Variants in RIMBP2 observed in about 807,000 individuals in gnomAD.
RIMBP2 encodes the protein RIMS binding protein 2.
In RIMBP2, 48 loss-of-function variants were observed where a neutral mutation model predicts 118.6. The observed-to-expected ratio is 0.40, with a 90% CI of 0.32 to 0.51. RIMBP2 has a LOEUF of 0.51. Among genes scored for constraint, RIMBP2 ranks in the 20% least tolerant of loss-of-function variants. The pLI is 0.41. For synonymous variants in RIMBP2, 762 were observed against 742.9 expected (o/e 1.03, Z -0.42); for missense variants, 1,551 against 1,768.3 (o/e 0.88, Z 2.20).
chr12:130,598,542 C>T (rs1014972586), intron 2 of RIMBP2, among the ~76,000 whole-genome samples: 10 of 152,112 alleles, frequency 6.6e-5, no homozygotes, highest in Admixed American at 1.3e-4. Context: ...TCCTGGCTAA[C>T]ACGGTGAAAC....
At position 130,452,937 on chromosome 12, in the gene RIMBP2, G is replaced by A. The variant is rs574140624; in HGVS notation, c.359-1597C>T. Among the ~76,000 whole-genome samples, 16 of 152,350 alleles carry A rather than the reference G, an allele frequency of 1.1e-4. No individual in the cohort carries two copies. The East Asian group carries it at 3.1e-3, about 29-fold the overall frequency. On this transcript the variant is annotated intron_variant, in intron 7 of 22. Coordinates refer to ENST00000690449, the MANE Select transcript of RIMBP2 (RefSeq NM_001393629.1). ...CCCGTGGCAGCTTTTACCTGCCATT[G>A]TGCCTGAGAAGACAAGGTGAGATTA...
intron 2 of RIMBP2, among the ~76,000 whole-genome samples, chr12:130,615,371 C>CATGATCT (rs2140703500): frequency 6.6e-6 from 1 of 150,418 alleles, no homozygotes; most frequent in South Asian, 2.1e-4. Context: ...AATGCAGTGG[C>CATGATCT]ATGATCTCGG....
intron 1 of RIMBP2, among the ~76,000 whole-genome samples, chr12:130,662,119 G>A (rs1168411144): frequency 6.6e-6 from 1 of 151,760 alleles, no homozygotes; most frequent in Non-Finnish European, 1.5e-5. Flanking sequence ...CCTCCCAGGT[G>A]CATTCATTCC....
chr12:130,444,101 T>C (rs2078339940), intron 10 of RIMBP2, among the ~76,000 whole-genome samples: 1 of 152,210 alleles, frequency 6.6e-6, no homozygotes, highest in Admixed American at 6.5e-5. Flanking sequence ...TTCCAGAGAT[T>C]TCAACACAGG....
intron 1 of RIMBP2, among the ~76,000 whole-genome samples, chr12:130,697,444 G>A (rs1305776577): frequency 1.3e-5 from 2 of 152,170 alleles, no homozygotes; most frequent in South Asian, 2.1e-4. Context: ...GATTGCTTGA[G>A]CCCAGGAGTT....
In RIMBP2 at chr12:130,570,016, C is replaced by T. The variant is rs142820456; in HGVS notation, c.-216-52099G>A. On this transcript the variant is annotated intron_variant, in intron 2 of 22. Coordinates refer to ENST00000690449, the MANE Select transcript of RIMBP2 (RefSeq NM_001393629.1). Reference sequence around the variant, plus strand: ...CACCTTTATGAGGAAGGAATGCCATCATGTTTGTATGAAAATCACACACCT... The same window carrying T: ...CACCTTTATGAGGAAGGAATGCCATTATGTTTGTATGAAAATCACACACCT... Among the ~76,000 whole-genome samples the T allele has an allele frequency of 1.1e-3, 168 of 152,314 alleles. 1 individual carries two copies. The highest frequency in any genetic ancestry group is 1.9e-3 in the Non-Finnish European group (127 of 68,042).
chr12:130,494,908 G>T (rs988955045), intron 4 of RIMBP2, among the ~76,000 whole-genome samples: 1 of 152,188 alleles, frequency 6.6e-6, no homozygotes, highest in Non-Finnish European at 1.5e-5. Context: ...TCCAGGTGTC[G>T]GCAGGGCCGG....
chr12:130,714,217 C>A (rs1227438263), intron 1 of RIMBP2, among the ~76,000 whole-genome samples: 1 of 152,234 alleles, frequency 6.6e-6, no homozygotes, highest in African/African-American at 2.4e-5. Context: ...TGAGCACATG[C>A]TGGTCTCTTC....
intron 1 of RIMBP2, among the ~76,000 whole-genome samples, chr12:130,653,645 G>A (rs913584575): frequency 3.3e-5 from 5 of 152,222 alleles, no homozygotes; most frequent in Admixed American, 6.5e-5. Context: ...CTGTCCTAGC[G>A]GAGCTTTTCT....
chr12:130,442,740 C>G lies in RIMBP2; in HGVS notation c.692-80G>C, dbSNP rs2078232724. On this transcript the variant is annotated intron_variant, in intron 10 of 22. Transcript: ENST00000690449. This position sits in a 1 kb window ranked among gnomAD's most constrained non-coding sequence, Gnocchi z 6.9. Reference sequence around the variant, plus strand: ...GCCCCCAGTGTACTCCCACCTCCCCCACCAGGACCATAAGGCAGAGCAACA... The same window carrying G: ...GCCCCCAGTGTACTCCCACCTCCCCGACCAGGACCATAAGGCAGAGCAACA... The G allele has an allele frequency of 4.1e-6, 5 of 1,214,540 alleles. No individual in the cohort carries two copies. The highest frequency in any genetic ancestry group is 2.5e-5 in the East Asian group (1 of 40,318). 75.2% of individuals were successfully genotyped at this position (1,214,540 alleles called of 1,614,324 possible).
At chr12:130,573,237 T>C (rs531212367) in intron 2 of RIMBP2, among the ~76,000 whole-genome samples, 6 of 151,788 alleles carry the variant, frequency 4.0e-5, no homozygotes, top group African/African-American at 1.4e-4. Flanking sequence ...ATTATATTTT[T>C]ATATTTATAT....
chr12:130,479,608 G>A (rs992892364), intron 4 of RIMBP2, among the ~76,000 whole-genome samples: 6 of 127,098 alleles, frequency 4.7e-5, no homozygotes, highest in African/African-American at 1.8e-4. Flanking sequence ...GGAGCTTCCC[G>A]GCCTCGGGCC....
In RIMBP2 at chr12:130,450,069, C is replaced by T; in HGVS notation, c.581+131G>A. 1.6e-6 allele frequency: 1 copy of T among 644,934 alleles called. No homozygotes were observed. The highest frequency in any genetic ancestry group is 1.7e-5 in the South Asian group (1 of 58,388). The allele number at this position is 644,934 out of a possible 1,614,324, so 40.0% of individuals were successfully genotyped here. The stretch of plus-strand genomic sequence containing the variant: ...ACCGAACCCTGCTCAGCCTCCAGGC[C>T]AGGCTGAAATCCCACCTTCTCCTCG... On this transcript the variant is annotated intron_variant, in intron 9 of 22. Transcript: ENST00000690449. The surrounding 1 kb of genome is among the most constrained non-coding windows in gnomAD (Gnocchi z 4.8).
intron 17 of RIMBP2, among the ~76,000 whole-genome samples, chr12:130,421,691 A>ATGTGTGTGTGTGTGTGTGTGTGTG (rs35161782): frequency 4.2e-4 from 62 of 147,292 alleles, no homozygotes; most frequent in African/African-American, 1.6e-3. Flanking sequence ...CTGCATTTAT[A>ATGTGTGTGTGTGTGTGTGTGTGTG]TGTGTGTGTG....
intron 1 of RIMBP2, among the ~76,000 whole-genome samples, chr12:130,646,792 TCA>T (rs1159735111): frequency 6.6e-6 from 1 of 152,224 alleles, no homozygotes; most frequent in Non-Finnish European, 1.5e-5. Context: ...GTCGCACAAC[TCA>T]CACACAGAGT....
intron 4 of RIMBP2, among the ~76,000 whole-genome samples, chr12:130,481,944 C>T (rs1240999653): frequency 6.6e-6 from 1 of 151,520 alleles, no homozygotes; most frequent in African/African-American, 2.4e-5. Flanking sequence ...GCCACCACCA[C>T]CACCACCCAC....
At position 130,506,665 on chromosome 12, in the gene RIMBP2, G is replaced by A. The variant is rs1172334937; in HGVS notation, c.-21C>T. On this transcript the variant is annotated 5_prime_UTR_variant, in exon 4 of 23. Coordinates refer to ENST00000690449, the MANE Select transcript of RIMBP2 (RefSeq NM_001393629.1). Reference sequence around the variant, plus strand: ...CAGCTTACCTTCAGGACCTGTTCTAGGTTCTCCAGCTTGGCTTGGAGCTGG... The same window carrying A: ...CAGCTTACCTTCAGGACCTGTTCTAAGTTCTCCAGCTTGGCTTGGAGCTGG... 76 of 985,606 alleles carry A rather than the reference G, an allele frequency of 7.7e-5. No homozygotes were observed. The highest frequency in any genetic ancestry group is 9.0e-5 in the Non-Finnish European group (75 of 829,936). The allele number at this position is 985,606 out of a possible 1,614,324, so 61.1% of individuals were successfully genotyped here.
intron 2 of RIMBP2, among the ~76,000 whole-genome samples, chr12:130,618,423 C>T (rs1180546820): frequency 2.0e-5 from 3 of 152,152 alleles, no homozygotes; most frequent in East Asian, 1.9e-4. Context: ...AGCCCCACAG[C>T]GGATCCTACT....
chr12:130,478,145 C>G (rs1055454833), intron 5 of RIMBP2, among the ~76,000 whole-genome samples: 5 of 152,158 alleles, frequency 3.3e-5, no homozygotes, highest in East Asian at 1.9e-4. Context: ...TCACAGGTGC[C>G]CAGGAGGTAA....
Sources: gnomAD v4.1 joint callset for allele counts (sites outside exome capture counted in the v4.1 genomes callset) on GRCh38, gnomAD v4.1.1 for gene constraint, Gnocchi (gnomAD v3.1) non-coding constraint, MANE v1.5 for transcripts, NCBI Gene and HGNC (gene_info 2026-07-23, HGNC 2026-07-21) for gene names.